The following PIK3CB variants were observed in gnomAD, a reference collection of about 807,000 sequenced individuals.
PIK3CB encodes the protein phosphatidylinositol-4,5-bisphosphate 3-kinase catalytic subunit beta.
PIK3CB carries 39 observed loss-of-function variants against 136.8 expected under a neutral mutation model. The observed-to-expected ratio is 0.29, with a 90% CI of 0.22 to 0.37. PIK3CB has a LOEUF of 0.37. Among genes scored for constraint, PIK3CB ranks in the 10% least tolerant of loss-of-function variants. The probability of loss-of-function intolerance (pLI) is 1.00; values close to 1 mark genes in which losing one functional copy is unlikely to be tolerated. For synonymous variants in PIK3CB, 428 were observed against 436.6 expected (o/e 0.98, Z 0.25); for missense variants, 868 against 1,275.4 (o/e 0.68, Z 4.87).
At chr3:138,716,893 C>CCA (rs1553727686) in intron 8 of PIK3CB, among the ~76,000 whole-genome samples, 4 of 11,090 alleles carry the variant, frequency 3.6e-4, no homozygotes, top group African/African-American at 9.6e-4. Context: ...GATTGTGTCT[C>CCA]AAAAAAAAAA....
chr3:138,685,966 CT>C (rs1316450110), intron 16 of PIK3CB, among the ~76,000 whole-genome samples: 2 of 151,822 alleles, frequency 1.3e-5, no homozygotes, highest in African/African-American at 2.4e-5. Flanking sequence ...GAGAAACCCC[CT>C]ATCTACTAAA....
intron 4 of PIK3CB, among the ~76,000 whole-genome samples, chr3:138,751,469 A>G (rs2045471343): frequency 6.6e-6 from 1 of 151,996 alleles, no homozygotes; most frequent in South Asian, 2.1e-4. Context: ...AAAAAAAAAA[A>G]GAAATTTTAT....
At chr3:138,706,243 A>C (rs2044375755) in intron 11 of PIK3CB, among the ~76,000 whole-genome samples, 1 of 152,228 alleles carries the variant, frequency 6.6e-6, no homozygotes, top group Non-Finnish European at 1.5e-5. Context: ...ATTTTTTAAA[A>C]TAAAAAACAC....
intron 2 of PIK3CB, among the ~76,000 whole-genome samples, chr3:138,783,602 G>A (rs1425967440): frequency 6.6e-6 from 1 of 152,036 alleles, no homozygotes; most frequent in Admixed American, 6.6e-5. Context: ...TTTTAACAGA[G>A]ACAATGTAAG....
At chr3:138,659,976 C>T (rs1186331198) in intron 21 of PIK3CB, among the ~76,000 whole-genome samples, 4 of 149,806 alleles carry the variant, frequency 2.7e-5, no homozygotes, top group African/African-American at 2.5e-5. Flanking sequence ...CCCAGGTTCA[C>T]GCCATTCTCC....
chr3:138,699,052 A>G lies in PIK3CB; in HGVS notation c.1625T>C (p.Leu542Ser), dbSNP rs749817338. The G allele has an allele frequency of 6.3e-7, 1 of 1,595,718 alleles. No homozygotes were observed. Among genetic ancestry groups the G allele is most frequent in the Non-Finnish European group, 8.6e-7 (1 of 1,167,522 alleles). Reference sequence around the variant, plus strand: ...CAGTTGAGACAAGGGATCCCTGTCCAAGATTTCTTTCAATACAGGAAGAAA... The same window carrying G: ...CAGTTGAGACAAGGGATCCCTGTCCGAGATTTCTTTCAATACAGGAAGAAA... ...KKFLPVLKEI[L>S]DRDPLSQLCE... Residue 542 changes from leucine (L) to serine (S), a missense_variant, in exon 13 of 24, where the codon TTG becomes TCG. Physicochemically the swap from Leu to Ser is moderately radical, Grantham distance 145. Around this residue, in one of 4 missense-constraint regions of PIK3CB, gnomAD observed 612 missense variants for 801.1 expected, o/e 0.76. Coordinates refer to ENST00000674063, the MANE Select transcript of PIK3CB (RefSeq NM_006219.3).
chr3:138,724,372 T>C (rs867374073), intron 8 of PIK3CB, among the ~76,000 whole-genome samples: 5 of 152,176 alleles, frequency 3.3e-5, no homozygotes, highest in East Asian at 1.9e-4. Flanking sequence ...CCCATAGAAT[T>C]TGGCTGCACT....
chr3:138,716,240 G>C (rs1016449543), intron 8 of PIK3CB, among the ~76,000 whole-genome samples: 3 of 152,130 alleles, frequency 2.0e-5, no homozygotes, highest in African/African-American at 7.2e-5. Context: ...TCCAGAAAAA[G>C]GCGTAATCCT....
intron 16 of PIK3CB, among the ~76,000 whole-genome samples, chr3:138,687,916 T>C (rs911469321): frequency 1.3e-5 from 2 of 152,116 alleles, no homozygotes; most frequent in Admixed American, 6.5e-5. Context: ...ACAAGGGAAA[T>C]AGGCAGAGAT....
chr3:138,733,103 A>G (rs531177229), intron 8 of PIK3CB, among the ~76,000 whole-genome samples: 2 of 150,982 alleles, frequency 1.3e-5, no homozygotes, highest in African/African-American at 4.8e-5. Context: ...TAGAAGAAAT[A>G]TGTAATATAT....
chr3:138,807,971 A>G (rs1576425024), intron 1 of PIK3CB, among the ~76,000 whole-genome samples: 1 of 151,938 alleles, frequency 6.6e-6, no homozygotes, highest in African/African-American at 2.4e-5. Context: ...ATCTCCTCAT[A>G]AACTCGAGGG....
chr3:138,721,757 C>T (rs1438735095), intron 8 of PIK3CB, among the ~76,000 whole-genome samples: 1 of 152,104 alleles, frequency 6.6e-6, no homozygotes, highest in African/African-American at 2.4e-5. Flanking sequence ...CCAGATTATA[C>T]TGTCAATATT....
intron 8 of PIK3CB, among the ~76,000 whole-genome samples, chr3:138,715,654 ACTT>A (rs1352152699): frequency 3.3e-5 from 5 of 152,134 alleles, no homozygotes; most frequent in Non-Finnish European, 7.4e-5. Context: ...ATATACACAT[ACTT>A]CATCTATAGA....
intron 8 of PIK3CB, among the ~76,000 whole-genome samples, chr3:138,730,057 G>A (rs957464634): frequency 6.6e-6 from 1 of 152,022 alleles, no homozygotes; most frequent in Non-Finnish European, 1.5e-5. Flanking sequence ...TATATCTACA[G>A]GAAAATCATG....
At chr3:138,832,842 A>AAC (rs1466391870) in intron 1 of PIK3CB, among the ~76,000 whole-genome samples, 27 of 148,642 alleles carry the variant, frequency 1.8e-4, no homozygotes, top group African/African-American at 6.6e-4. Flanking sequence ...AAAAAAAAAA[A>AAC]AAAAAAACAA....
chr3:138,665,892 T>C (rs1283670224), intron 19 of PIK3CB, among the ~76,000 whole-genome samples: 1 of 152,116 alleles, frequency 6.6e-6, no homozygotes, highest in Non-Finnish European at 1.5e-5. Context: ...ACGACATCAA[T>C]GGGTTTTCAT....
intron 19 of PIK3CB, among the ~76,000 whole-genome samples, chr3:138,669,680 T>C (rs2043493429): frequency 6.6e-6 from 1 of 152,112 alleles, no homozygotes; most frequent in African/African-American, 2.4e-5. Context: ...TAAGCTGACA[T>C]GAAAGGTATC....
At chr3:138,740,406 T>C (rs1275524725) in intron 5 of PIK3CB, among the ~76,000 whole-genome samples, 1 of 152,020 alleles carries the variant, frequency 6.6e-6, no homozygotes, top group East Asian at 1.9e-4. Context: ...TTGTGAGAAA[T>C]AAATTTCTGT....
chr3:138,809,220 G>A (rs2046266989), intron 1 of PIK3CB, among the ~76,000 whole-genome samples: 1 of 152,030 alleles, frequency 6.6e-6, no homozygotes, highest in Admixed American at 6.6e-5. Flanking sequence ...GGAGACTGCA[G>A]TGAACCGAGA....
Sources: allele counts gnomAD v4.1 joint callset (sites outside exome capture counted in the v4.1 genomes callset), GRCh38; gene constraint gnomAD v4.1.1; regional missense constraint gnomAD v4.1.1; transcripts MANE v1.5; gene names NCBI Gene and HGNC (gene_info 2026-07-23, HGNC 2026-07-21).